SKAP1: variants seen among roughly 807,000 people sequenced by gnomAD.
SKAP1 encodes the protein src kinase-associated phosphoprotein 1.
Under a neutral mutation model 58.5 loss-of-function variants are expected in SKAP1, and 44 were observed. That is an observed-to-expected ratio of 0.75 (90% CI 0.59 to 0.97). The LOEUF (loss-of-function observed/expected upper bound fraction) is 0.97. Among genes scored for constraint, SKAP1 ranks in the 50% least tolerant of loss-of-function variants. SKAP1 has a pLI of 0.00. For synonymous variants in SKAP1, 127 were observed against 149.7 expected, an observed-to-expected ratio of 0.85 and a Z score of 1.11; for missense variants, 390 against 435.2, an observed-to-expected ratio of 0.90 and a Z score of 0.92.
At chr17:48,316,606 G>T (rs535916414) in intron 4 of SKAP1, among the ~76,000 whole-genome samples, 1 of 152,152 alleles carries the variant, frequency 6.6e-6, no homozygotes, top group African/African-American at 2.4e-5. Flanking sequence ...AGCTCTATGT[G>T]GCTAAGGGTT....
At chr17:48,204,981 C>CTTTTCT (rs1567819762) in intron 4 of SKAP1, among the ~76,000 whole-genome samples, 109 of 57,046 alleles carry the variant, frequency 1.9e-3, no homozygotes, top group African/African-American at 5.8e-3. Context: ...TCTTTTCTTT[C>CTTTTCT]TTTCTTTCTT....
intron 9 of SKAP1, among the ~76,000 whole-genome samples, chr17:48,179,608 A>G (rs919076560): frequency 6.6e-6 from 1 of 152,202 alleles, no homozygotes; most frequent in African/African-American, 2.4e-5. Flanking sequence ...TGGTCTATCA[A>G]GGTATTACTA....
intron 4 of SKAP1, among the ~76,000 whole-genome samples, chr17:48,219,336 G>C (rs1286816818): frequency 2.0e-5 from 3 of 152,200 alleles, no homozygotes; most frequent in African/African-American, 7.2e-5. Context: ...ACTTCTTGCT[G>C]ACAAAAGGAG....
Position 48,430,059 on chromosome 17 carries a change from T to G in SKAP1, c.46+16A>C. 7.9e-7 allele frequency: 1 copy of G among 1,262,388 alleles called. No individual in the cohort carries two copies. Among genetic ancestry groups the G allele is most frequent in the Non-Finnish European group, 1.0e-6 (1 of 996,022 alleles). The allele number at this position is 1,262,388 out of a possible 1,614,324, so 78.2% of individuals were successfully genotyped here. A position where few individuals can be genotyped will look rare whatever the true frequency, so the allele number is the denominator to read the frequency against. ...CTTCGGCTCAGCACTGGAGGGGGCC[T>G]GCGCCAGGGCGTTACCTTCCAGGAG... On this transcript the variant is annotated intron_variant, in intron 1 of 12. Coordinates refer to ENST00000336915, the MANE Select transcript of SKAP1 (RefSeq NM_003726.4).
At chr17:48,323,608 T>G (rs9911663) in intron 4 of SKAP1, among the ~76,000 whole-genome samples, 14,153 of 152,162 alleles carry the variant, frequency 0.093, 1,070 homozygotes, top group African/African-American at 0.17. Flanking sequence ...TGCATTATAC[T>G]AAGAATAAAT....
chr17:48,321,859 A>G (rs1323793838), intron 4 of SKAP1, among the ~76,000 whole-genome samples: 2 of 152,186 alleles, frequency 1.3e-5, no homozygotes, highest in Non-Finnish European at 2.9e-5. Flanking sequence ...GTGATTTTTT[A>G]AAAAATACTT....
At chr17:48,216,388 T>C (rs951193364) in intron 4 of SKAP1, among the ~76,000 whole-genome samples, 3 of 152,212 alleles carry the variant, frequency 2.0e-5, no homozygotes, top group African/African-American at 7.2e-5. Flanking sequence ...GCAAAGCCAC[T>C]ATTTATCTTA....
intron 2 of SKAP1, among the ~76,000 whole-genome samples, chr17:48,371,823 CAAGACCCTGTCTCAAAAAAAAAAAGAA>C (rs1430965541): frequency 6.8e-6 from 1 of 146,434 alleles, no homozygotes; most frequent in African/African-American, 2.6e-5. Context: ...GGTAACACAG[CAAGACCCTGTCTCAAAAAAAAAAAGAA>C]AAGAAAAAGA....
chr17:48,396,537 A>C (rs1444617024), intron 2 of SKAP1, 143 bp downstream of exon 2: 6 of 492,570 alleles, frequency 1.2e-5, no homozygotes, highest in Non-Finnish European at 2.2e-5. Flanking sequence ...GCCTGCCTCC[A>C]GTTCAATTCA....
intron 4 of SKAP1, among the ~76,000 whole-genome samples, chr17:48,340,207 A>G (rs1161365745): frequency 2.0e-5 from 3 of 152,066 alleles, no homozygotes; most frequent in Non-Finnish European, 4.4e-5. Flanking sequence ...AATAAAATAA[A>G]GTCTATCGAG....
chr17:48,320,483 G>C (rs1167599224), intron 4 of SKAP1, among the ~76,000 whole-genome samples: 2 of 152,068 alleles, frequency 1.3e-5, no homozygotes, highest in African/African-American at 4.8e-5. Flanking sequence ...AAATTATTTG[G>C]CCTGAACTTT....
In SKAP1 at chr17:48,425,674, T is replaced by G. The variant is rs566241776; in HGVS notation, c.46+4401A>C. 3.3e-5 allele frequency among the ~76,000 whole-genome samples: 5 copies of G among 152,328 alleles called. No homozygotes were observed. In the South Asian group the frequency reaches 1.0e-3, roughly 32 times the overall value. ...TGGGTACTTTGTTCATCAAGAAAGC[T>G]CTTTGTAACTTCTTTTACATATATC... On this transcript the variant is annotated intron_variant, in intron 1 of 12. Transcript: ENST00000336915.
In SKAP1 at chr17:48,180,898, T is replaced by G. The variant is rs1211542209; in HGVS notation, c.632-650A>C. 2.6e-5 allele frequency among the ~76,000 whole-genome samples: 4 copies of G among 152,178 alleles called. No homozygotes were observed. In the East Asian group the frequency reaches 7.7e-4, roughly 29 times the overall value. Reference sequence around the variant, plus strand: ...TCTAGCTGACCTTAAAGTGGGTCACTGCATAGAAGGTGTTGAGCCATTACA... The same window carrying G: ...TCTAGCTGACCTTAAAGTGGGTCACGGCATAGAAGGTGTTGAGCCATTACA... On this transcript the variant is annotated intron_variant, in intron 8 of 12. Coordinates refer to ENST00000336915, the MANE Select transcript of SKAP1 (RefSeq NM_003726.4).
At chr17:48,352,833 T>A (rs929948431) in intron 3 of SKAP1, among the ~76,000 whole-genome samples, 1 of 152,182 alleles carries the variant, frequency 6.6e-6, no homozygotes, top group African/African-American at 2.4e-5. Flanking sequence ...TCACCCCAAC[T>A]TGTCTGATTA....
At chr17:48,367,642 G>A (rs1272246624) in intron 2 of SKAP1, among the ~76,000 whole-genome samples, 1 of 141,280 alleles carries the variant, frequency 7.1e-6, no homozygotes, top group Non-Finnish European at 1.6e-5. Flanking sequence ...CTGAGGTCAG[G>A]TGTGGTGGCT....
chr17:48,167,391 G>C (rs2064154456), intron 10 of SKAP1, among the ~76,000 whole-genome samples: 1 of 152,062 alleles, frequency 6.6e-6, no homozygotes, highest in South Asian at 2.1e-4. Flanking sequence ...TTTTCATTGG[G>C]CCATAATTTT....
At chr17:48,171,734 A>AGAGT (rs149868073) in intron 9 of SKAP1, among the ~76,000 whole-genome samples, 143 of 149,104 alleles carry the variant, frequency 9.6e-4, no homozygotes, top group South Asian at 1.9e-3. Flanking sequence ...AGGATGTTAG[A>AGAGT]GTGTGTGTGT....
chr17:48,234,130 T>G lies in SKAP1; in HGVS notation c.281-44630A>C, dbSNP rs186003013. On this transcript the variant is annotated intron_variant, in intron 4 of 12. Transcript: ENST00000336915. ...CCTCTTAAGAGCTCAAGATGCTGGTTATTTAACATTTTATATTCAGATATG... is the reference window on the plus strand; with the variant it reads ...CCTCTTAAGAGCTCAAGATGCTGGTGATTTAACATTTTATATTCAGATATG... Among the ~76,000 whole-genome samples the G allele has an allele frequency of 5.4e-3, 824 of 152,320 alleles. 10 individuals are homozygous for G. The highest frequency in any genetic ancestry group is 0.019 in the African/African-American group (789 of 41,560).
intron 2 of SKAP1, among the ~76,000 whole-genome samples, chr17:48,383,896 AT>A (rs569975695): frequency 1.3e-5 from 2 of 149,000 alleles, no homozygotes; most frequent in African/African-American, 2.5e-5. Context: ...ATTTTTTTGT[AT>A]TTTTTTTTAG....
Sources: allele counts gnomAD v4.1 joint callset (sites outside exome capture counted in the v4.1 genomes callset), GRCh38; gene constraint gnomAD v4.1.1; transcripts MANE v1.5; gene names NCBI Gene and HGNC (gene_info 2026-07-23, HGNC 2026-07-21).